Variants in JARID2 observed in about 807,000 individuals in gnomAD.
The protein encoded by JARID2 is jumonji and AT-rich interaction domain containing 2, also known as protein Jumonji.
JARID2 carries 21 observed loss-of-function variants against 125.6 expected under a neutral mutation model. The ratio of observed to expected loss-of-function variants is 0.17; its 90% CI spans 0.12 to 0.24. The LOEUF (loss-of-function observed/expected upper bound fraction) is 0.24. Among genes scored for constraint, JARID2 ranks in the 10% least tolerant of loss-of-function variants. The pLI, the probability that JARID2 is intolerant of heterozygous loss-of-function variation, is 1.00. For synonymous variants in JARID2, 736 were observed against 661.6 expected (o/e 1.11, Z -1.73); for missense variants, 1,303 against 1,639.6 (o/e 0.79, Z 3.55).
chr6:15,509,578 C>T (rs1214823572), intron 12 of JARID2, among the ~76,000 whole-genome samples: 2 of 152,222 alleles, frequency 1.3e-5, no homozygotes, highest in Non-Finnish European at 2.9e-5. Context: ...CTGACAGGAG[C>T]CTTGGGGCTT....
At chr6:15,460,540 G>T (rs1768393488) in intron 4 of JARID2, among the ~76,000 whole-genome samples, 2 of 152,196 alleles carry the variant, frequency 1.3e-5, no homozygotes, top group African/African-American at 4.8e-5. Flanking sequence ...GACTGAAGGG[G>T]TTTCATTTAT....
chr6:15,291,101 C>T (rs752186596), intron 1 of JARID2, among the ~76,000 whole-genome samples: 66 of 152,152 alleles, frequency 4.3e-4, no homozygotes, highest in Non-Finnish European at 7.1e-4. Flanking sequence ...TCAGCCGTGG[C>T]GGTGCATGCT....
At chr6:15,368,756 T>C (rs1157301590) in intron 1 of JARID2, 1 of 480,164 alleles carries the variant, frequency 2.1e-6, no homozygotes, top group Non-Finnish European at 4.2e-6. Context: ...ACATCTGAAT[T>C]CTGACAGTAA....
chr6:15,248,026 T>A, intron 1 of JARID2: 1 of 985,366 alleles, frequency 1.0e-6, no homozygotes, highest in Non-Finnish European at 1.2e-6. Flanking sequence ...CCGCCTCCCA[T>A]TCCGGACCTC....
intron 1 of JARID2, among the ~76,000 whole-genome samples, chr6:15,346,106 AG>A (rs1264776856): frequency 2.6e-5 from 4 of 152,226 alleles, no homozygotes; most frequent in African/African-American, 9.6e-5. Flanking sequence ...TTAGAGGTTC[AG>A]GGTCTTTCAT....
intron 1 of JARID2, among the ~76,000 whole-genome samples, chr6:15,359,614 C>G (rs190082722): frequency 1.3e-3 from 200 of 151,938 alleles, no homozygotes; most frequent in African/African-American, 4.5e-3. Context: ...CTGTGGGTAG[C>G]GGTGGGGGGT....
chr6:15,254,023 TGGC>T, intron 1 of JARID2, among the ~76,000 whole-genome samples: 1 of 152,186 alleles, frequency 6.6e-6, no homozygotes, highest in Non-Finnish European at 1.5e-5. Context: ...AAGGGACTGT[TGGC>T]AGCCTTTGGA....
chr6:15,248,837 C>CG (rs1379932318), intron 1 of JARID2: 12 of 884,048 alleles, frequency 1.4e-5, no homozygotes, highest in African/African-American at 1.8e-5. Flanking sequence ...GGCGGGGCGG[C>CG]GGGGGGAGGA....
intron 2 of JARID2, among the ~76,000 whole-genome samples, chr6:15,400,558 C>T (rs1218157613): frequency 1.3e-5 from 2 of 151,976 alleles, no homozygotes; most frequent in African/African-American, 4.8e-5. Flanking sequence ...CTGTGAATGT[C>T]CCCCTCCCCC....
intron 1 of JARID2, among the ~76,000 whole-genome samples, chr6:15,365,549 T>C (rs1479347279): frequency 6.6e-6 from 1 of 152,070 alleles, no homozygotes; most frequent in Non-Finnish European, 1.5e-5. Flanking sequence ...GGCCGGAGAT[T>C]CAGCCTGTCA....
chr6:15,300,099 A>G (rs2127408974), intron 1 of JARID2, among the ~76,000 whole-genome samples: 1 of 152,294 alleles, frequency 6.6e-6, no homozygotes, highest in South Asian at 2.1e-4. Context: ...CAGTGTTTGT[A>G]AGAAGAAACC....
chr6:15,398,891 C>T (rs1045749076), intron 2 of JARID2, among the ~76,000 whole-genome samples: 4 of 152,136 alleles, frequency 2.6e-5, no homozygotes, highest in African/African-American at 9.7e-5. Context: ...GTTTATGTCT[C>T]GGCGTTTCTA....
At chr6:15,321,799 T>G (rs910049593) in intron 1 of JARID2, among the ~76,000 whole-genome samples, 1,432 of 139,670 alleles carry the variant, frequency 0.01, 12 homozygotes, top group Non-Finnish European at 0.017. Flanking sequence ...TTTTTTTTTT[T>G]TTTTTTTTTT....
intron 1 of JARID2, among the ~76,000 whole-genome samples, chr6:15,310,937 C>G (rs1761988010): frequency 6.6e-6 from 1 of 152,134 alleles, no homozygotes; most frequent in Non-Finnish European, 1.5e-5. Context: ...CCTGAGTTGT[C>G]TTCTCACGGC....
chr6:15,321,209 A>T (rs1276540932), intron 1 of JARID2, among the ~76,000 whole-genome samples: 1 of 152,182 alleles, frequency 6.6e-6, no homozygotes, highest in Non-Finnish European at 1.5e-5. Context: ...ACTATATATC[A>T]GTATAATCAG....
intron 1 of JARID2, among the ~76,000 whole-genome samples, chr6:15,328,418 T>TA (rs1411105655): frequency 3.3e-5 from 5 of 152,230 alleles, no homozygotes; most frequent in African/African-American, 1.2e-4. Context: ...GGTTGCAAGT[T>TA]ACTGTGCTGC....
chr6:15,267,585 TG>T (rs1276990822), intron 1 of JARID2, among the ~76,000 whole-genome samples: 4 of 152,202 alleles, frequency 2.6e-5, no homozygotes, highest in Admixed American at 2.6e-4. Context: ...GTGAATTTTC[TG>T]GTTGACTGTT....
At chr6:15,428,930 A>ACCCCC (rs10660512) in intron 3 of JARID2, among the ~76,000 whole-genome samples, 3 of 89,850 alleles carry the variant, frequency 3.3e-5, no homozygotes, top group African/African-American at 9.9e-5. Flanking sequence ...AAAAAAACAA[A>ACCCCC]CCCCCCCCCC....
intron 2 of JARID2, among the ~76,000 whole-genome samples, chr6:15,396,578 C>T (rs1256272186): frequency 6.6e-6 from 1 of 152,112 alleles, no homozygotes; most frequent in Admixed American, 6.5e-5. Flanking sequence ...ATTACCAAAC[C>T]CTGTATATAC....
Sources: allele counts gnomAD v4.1 joint callset (sites outside exome capture counted in the v4.1 genomes callset), GRCh38; gene constraint gnomAD v4.1.1; transcripts MANE v1.5; gene names NCBI Gene and HGNC (gene_info 2026-07-23, HGNC 2026-07-21).